PCDHA11: variants seen among roughly 807,000 people sequenced by gnomAD.
The protein encoded by PCDHA11 is protocadherin alpha 11, also known as protocadherin alpha-11.
PCDHA11 carries 61 observed loss-of-function variants against 70.3 expected under a neutral mutation model. The observed-to-expected ratio is 0.87, with a 90% confidence interval of 0.71 to 1.07. The LOEUF is 1.07. Ranked by LOEUF, PCDHA11 falls within the 50% of genes least tolerant of loss-of-function variation. The pLI, the probability that PCDHA11 is intolerant of heterozygous loss-of-function variation, is 0.00. For missense variants in PCDHA11, 1,324 were observed against 1,237.5 expected, an observed-to-expected ratio of 1.07 and a Z score of -1.05; for synonymous variants, 633 against 555.1, an observed-to-expected ratio of 1.14 and a Z score of -1.97.
At chr5:140,893,888 G>A (rs1182777052) in intron 1 of PCDHA11, among the ~76,000 whole-genome samples, 1 of 152,128 alleles carries the variant, frequency 6.6e-6, no homozygotes, top group Non-Finnish European at 1.5e-5. Context: ...TGGCCAGAAA[G>A]TTACTTTACC....
intron 1 of PCDHA11, among the ~76,000 whole-genome samples, chr5:140,958,381 T>G (rs1554223451): frequency 6.6e-6 from 1 of 152,280 alleles, no homozygotes; most frequent in South Asian, 2.1e-4. Context: ...GCTATTTTCT[T>G]AACAGGTCAT....
intron 1 of PCDHA11, chr5:140,882,846 C>T (rs1554175786): frequency 2.5e-6 from 4 of 1,614,188 alleles, no homozygotes; most frequent in Non-Finnish European, 3.4e-6. Context: ...TCTTCATTAT[C>T]ACTTGTACTG....
chr5:140,941,809 TAG>T (rs1477400878), intron 1 of PCDHA11, among the ~76,000 whole-genome samples: 5 of 152,254 alleles, frequency 3.3e-5, no homozygotes, highest in Non-Finnish European at 5.9e-5. Context: ...TTGATTTCAG[TAG>T]GATGACTGCT....
intron 1 of PCDHA11, chr5:140,926,801 C>T: frequency 1.4e-6 from 2 of 1,451,506 alleles, no homozygotes; most frequent in Non-Finnish European, 9.0e-7. Flanking sequence ...GCGTGCTCTT[C>T]CCCGCGGCTC....
chr5:140,982,584 C>T (rs1554244599), intron 3 of PCDHA11, 21 bp downstream of exon 3: 1 of 1,612,032 alleles, frequency 6.2e-7, no homozygotes, highest in East Asian at 2.2e-5. Flanking sequence ...GGGGTCTCTC[C>T]ATTCTTTCTT....
chr5:140,877,224 G>C (rs986695805), intron 1 of PCDHA11: 6 of 1,613,712 alleles, frequency 3.7e-6, no homozygotes, highest in Admixed American at 1.7e-5. Flanking sequence ...TACCGCGGTC[G>C]GTGGGTGCGG....
chr5:140,994,209 A>G (rs2097604620), intron 3 of PCDHA11, among the ~76,000 whole-genome samples: 1 of 152,142 alleles, frequency 6.6e-6, no homozygotes, highest in Non-Finnish European at 1.5e-5. Flanking sequence ...CCAGAATGGG[A>G]CCCAGGGTCT....
Position 140,875,563 on chromosome 5 carries a change from C to T in PCDHA11, c.2391+4069C>T, listed in dbSNP as rs1554167760. The T allele has an allele frequency of 3.1e-6, 5 of 1,614,014 alleles. No homozygotes were observed. The Admixed American group carries it at 8.3e-5, about 27-fold the overall frequency. ...AGCCTGGGAGGTGGGGAGCGGCCAG[C>T]TCCACTACTCCGTCTACGAGGAGGC... On this transcript the variant is annotated intron_variant, in intron 1 of 3. Transcript: ENST00000398640.
intron 1 of PCDHA11, among the ~76,000 whole-genome samples, chr5:140,973,232 G>GA (rs2096577680): frequency 6.6e-6 from 1 of 152,196 alleles, no homozygotes; most frequent in African/African-American, 2.4e-5. Flanking sequence ...ATAGTGACCT[G>GA]AAAGAGTTAA....
At chr5:140,876,970 G>A in intron 1 of PCDHA11, 4 of 1,612,850 alleles carry the variant, frequency 2.5e-6, no homozygotes, top group Non-Finnish European at 3.4e-6. Flanking sequence ...GCGGCGGGTG[G>A]GCGAGCACGC....
At chr5:140,974,879 A>G (rs1259634156) in intron 1 of PCDHA11, among the ~76,000 whole-genome samples, 1 of 152,212 alleles carries the variant, frequency 6.6e-6, no homozygotes, top group Non-Finnish European at 1.5e-5. Flanking sequence ...CAGTCTATGT[A>G]TCCCTTTTCT....
chr5:140,881,012 G>C (rs1445864276), intron 1 of PCDHA11, among the ~76,000 whole-genome samples: 2 of 152,202 alleles, frequency 1.3e-5, no homozygotes, highest in Admixed American at 1.3e-4. Flanking sequence ...CAGAGCTATG[G>C]AAATAAACCC....
intron 1 of PCDHA11, among the ~76,000 whole-genome samples, chr5:140,976,253 T>G (rs1554237440): frequency 6.6e-6 from 1 of 152,124 alleles, no homozygotes; most frequent in Non-Finnish European, 1.5e-5. Context: ...TAAATTTATT[T>G]AAAACACAGA....
At chr5:140,970,554 G>A (rs72802985) in intron 1 of PCDHA11, among the ~76,000 whole-genome samples, 7,177 of 152,136 alleles carry the variant, frequency 0.047, 194 homozygotes, top group Non-Finnish European at 0.062. Context: ...TTGTGTGTTC[G>A]TCTCCATATG....
chr5:140,969,260 C>T (rs782595245), intron 1 of PCDHA11: 11 of 1,614,110 alleles, frequency 6.8e-6, no homozygotes, highest in Non-Finnish European at 6.8e-6. Flanking sequence ...CAGCAGGAAT[C>T]TCACAGGCCA....
chr5:140,989,665 T>C (rs2097353443), intron 3 of PCDHA11, among the ~76,000 whole-genome samples: 1 of 152,190 alleles, frequency 6.6e-6, no homozygotes, highest in Non-Finnish European at 1.5e-5. Context: ...TAAAAGAAAC[T>C]CTGCCCAGAT....
chr5:140,927,666 G>C, intron 1 of PCDHA11: 1 of 1,614,180 alleles, frequency 6.2e-7, no homozygotes, highest in Non-Finnish European at 8.5e-7. Context: ...TTCAAGCCTT[G>C]GATCCAGATG....
rs112848471 is a variant in PCDHA11, at chr5:140,995,109, C to G, written c.2539+12546C>G. ...TATCTGTGGAGATACATTCCAAGAC[C>G]CTCAGTGGATGCCTGAAACCTCATT... On this transcript the variant is annotated intron_variant, in intron 3 of 3. Transcript: ENST00000398640. Among the ~76,000 whole-genome samples, 792 of 152,268 alleles carry G rather than the reference C, an allele frequency of 5.2e-3. 8 individuals are homozygous for G. Among genetic ancestry groups the G allele is most frequent in the African/African-American group, 0.019 (770 of 41,540 alleles).
chr5:140,875,687 G>T, intron 1 of PCDHA11: 10 of 1,614,012 alleles, frequency 6.2e-6, no homozygotes, highest in Non-Finnish European at 8.5e-6. Context: ...AAAAGACACG[G>T]GGACCTTCTG....
Sources: gnomAD v4.1 joint callset for allele counts (sites outside exome capture counted in the v4.1 genomes callset) on GRCh38, gnomAD v4.1.1 for gene constraint, MANE v1.5 for transcripts, NCBI Gene and HGNC (gene_info 2026-07-23, HGNC 2026-07-21) for gene names.